Variants in LAMA5 observed in about 807,000 individuals in gnomAD.
LAMA5 encodes the protein laminin subunit alpha 5, also known as laminin subunit alpha-5.
A neutral mutation model predicts 433.4 loss-of-function variants in LAMA5; 260 were observed. The ratio of observed to expected loss-of-function variants is 0.60; its 90% CI spans 0.54 to 0.66. LAMA5 has a LOEUF of 0.66. Ranked by LOEUF, LAMA5 falls within the 30% of genes least tolerant of loss-of-function variation. The pLI, the probability that LAMA5 is intolerant of heterozygous loss-of-function variation, is 0.00. For synonymous variants in LAMA5, 2,620 were observed against 2,226.6 expected (o/e 1.18, Z -4.97); for missense variants, 5,378 against 5,258.5 (o/e 1.02, Z -0.70).
chr20:62,311,586 C>T lies in LAMA5; in HGVS notation c.9806+28G>A, dbSNP rs367940086. 5.0e-6 allele frequency: 8 copies of T among 1,608,896 alleles called. No individual in the cohort carries two copies. In the African/African-American group the frequency reaches 1.1e-4, roughly 21 times the overall value. On this transcript the variant is annotated intron_variant, in intron 71 of 79. Coordinates refer to ENST00000252999, the MANE Select transcript of LAMA5 (RefSeq NM_005560.6). ...GCAGCTGCGGAAGGCCAGCTGGGAC[C>T]TTGTCCCCCAGCGCCCACCAGGCTC...
intron 31 of LAMA5, 110 bp downstream of exon 31, chr20:62,330,378 G>C (rs1339574509): frequency 7.3e-7 from 1 of 1,374,674 alleles, no homozygotes; most frequent in Non-Finnish European, 9.6e-7. Flanking sequence ...TGGCAGGACA[G>C]AGTCATGTTG....
Position 62,327,647 on chromosome 20 carries a change from C to G in LAMA5, c.4820G>C (p.Cys1607Ser). 6.2e-7 allele frequency: 1 copy of G among 1,613,142 alleles called. No individual in the cohort carries two copies. Among genetic ancestry groups the G allele is most frequent in the Non-Finnish European group, 8.5e-7 (1 of 1,179,974 alleles). ...GAAGGTCCCAAGGCTGCACTGGTCACATTTGGGGCCCTGCACGTTCTCCTA... is the reference window on the plus strand; with the variant it reads ...GAAGGTCCCAAGGCTGCACTGGTCAGATTTGGGGCCCTGCACGTTCTCCTA... ...YCKENVQGPK[C>S]DQCSLGTFSL... Residue 1607 changes from cysteine (C) to serine (S), a missense_variant, in exon 37 of 80, where the codon TGT becomes TCT. Transcript: ENST00000252999.
chr20:62,336,856 C>A, intron 16 of LAMA5, 70 bp from the exon 17 acceptor site: 1 of 1,492,372 alleles, frequency 6.7e-7, no homozygotes, highest in Non-Finnish European at 9.2e-7. Context: ...TGTCCCAGGC[C>A]CAGCCAGAAC....
intron 6 of LAMA5, 70 bp from the exon 7 acceptor site, chr20:62,347,098 T>G: frequency 6.0e-6 from 7 of 1,163,072 alleles, no homozygotes; most frequent in Non-Finnish European, 8.8e-6. Flanking sequence ...GTCCCTTCCC[T>G]GAAGGGGCCT....
chr20:62,363,321 G>A (rs757120196), intron 1 of LAMA5, among the ~76,000 whole-genome samples: 2 of 152,206 alleles, frequency 1.3e-5, no homozygotes, highest in East Asian at 1.9e-4. Flanking sequence ...CACAGTAACT[G>A]CTGAGCCTCA....
chr20:62,315,121 C>CCTGCAGCTGGGA lies in LAMA5; in HGVS notation c.7942_7953dup (p.Ser2648_Gln2651dup). ...CACCGCTCCACATTCTCCTGCATGG[C>CCTGCAGCTGGGA]CTGCAGCTGGGACTGCACACGGGTG... is the stretch of plus-strand genomic sequence containing the variant. On this transcript the variant is annotated inframe_insertion, in exon 59 of 80. Transcript: ENST00000252999. The CCTGCAGCTGGGA allele has an allele frequency of 6.2e-7, 1 of 1,609,316 alleles. No homozygotes were observed. The highest frequency in any genetic ancestry group is 1.1e-5 in the South Asian group (1 of 91,048).
intron 2 of LAMA5, 84 bp from the exon 3 acceptor site, chr20:62,353,335 G>T: frequency 1.0e-6 from 1 of 1,001,204 alleles, no homozygotes; most frequent in Non-Finnish European, 1.5e-6. Flanking sequence ...CTGCCCCTCA[G>T]GTGAGGCCAC....
chr20:62,341,915 C>T (rs1453497872), intron 11 of LAMA5, among the ~76,000 whole-genome samples: 2 of 150,782 alleles, frequency 1.3e-5, no homozygotes, highest in Non-Finnish European at 2.9e-5. Context: ...AACTTTATAA[C>T]AGGCCACTGT....
chr20:62,341,039 A>AAAATAAATAAAT (rs71303318), intron 11 of LAMA5, among the ~76,000 whole-genome samples: 14 of 147,086 alleles, frequency 9.5e-5, no homozygotes, highest in East Asian at 2.0e-4. Flanking sequence ...ACTCTGTGTC[A>AAAATAAATAAAT]AAATAAATAA....
intron 79 of LAMA5, 78 bp downstream of exon 79, chr20:62,309,638 G>GGGGAGGGGGCAGGGGGAGGA (rs1985955300): frequency 1.6e-6 from 1 of 623,302 alleles, no homozygotes. Flanking sequence ...GGGTGGAGGG[G>GGGGAGGGGGCAGGGGGAGGA]TGGGGGGAGG....
rs1987598614 is a variant in LAMA5 at position 62,320,670 on chromosome 20, C to T, written c.6649-1G>A. 6.2e-7 allele frequency: 1 copy of T among 1,610,460 alleles called. No individual in the cohort carries two copies. The highest frequency in any genetic ancestry group is 8.5e-7 in the Non-Finnish European group (1 of 1,179,022). Reference sequence around the variant, plus strand: ...GGCCCAGGGGGCTCCGGAGCTGGCTCTGTGGGAGGCGAAAGGTGAAGGCCT... The same window carrying T: ...GGCCCAGGGGGCTCCGGAGCTGGCTTTGTGGGAGGCGAAAGGTGAAGGCCT... On this transcript the variant is annotated splice_acceptor_variant, in intron 49 of 79. Coordinates refer to ENST00000252999, the MANE Select transcript of LAMA5 (RefSeq NM_005560.6). LOFTEE classifies it high-confidence loss of function.
Position 62,323,456 on chromosome 20 carries a change from G to C in LAMA5, c.6064C>G (p.Arg2022Gly). 1 of 1,538,248 alleles carries C rather than the reference G, an allele frequency of 6.5e-7. No homozygotes were observed. Among genetic ancestry groups the C allele is most frequent in the Non-Finnish European group, 8.7e-7 (1 of 1,143,576 alleles). ...GCATCCCTCCCAGCCCGACGCCTAC[G>C]GGTGCAGTTGCCGGGCAGCAGGGCG... is the stretch of plus-strand genomic sequence containing the variant. ...GNALLPGNCT[R>G]CDCTPCGTEA... Residue 2022 changes from arginine (R) to glycine (G), a missense_variant and splice_region_variant, in exon 45 of 80, where the codon CGG (arginine) becomes GGG (glycine). Coordinates refer to ENST00000252999, the MANE Select transcript of LAMA5 (RefSeq NM_005560.6).
chr20:62,309,343 G>T lies in LAMA5; in HGVS notation c.11081C>A (p.Ala3694Asp). ...HGAVGASGCP[A>D]A Reference sequence around the variant, plus strand: ...GCCGGGGTTGGCTGTGTCCTAGGCGGCTGGGCAGCCACTGGCCCCCACTGC... The same window carrying T: ...GCCGGGGTTGGCTGTGTCCTAGGCGTCTGGGCAGCCACTGGCCCCCACTGC... Residue 3694 changes from alanine (A) to aspartate (D), a missense_variant, in exon 80 of 80, where the codon GCC becomes GAC. By Grantham distance (126) the Ala-to-Asp change is moderately radical. Transcript: ENST00000252999. 1 of 1,591,070 alleles carries T rather than the reference G, an allele frequency of 6.3e-7. No homozygotes were observed.
intron 19 of LAMA5, 43 bp from the exon 20 acceptor site, chr20:62,335,169 C>A: frequency 6.2e-7 from 1 of 1,612,474 alleles, no homozygotes; most frequent in Non-Finnish European, 8.5e-7. Context: ...GGGGAGGGTC[C>A]TGACCAGTGT....
chr20:62,330,241 G>T (rs148505235), intron 31 of LAMA5, among the ~76,000 whole-genome samples: 1 of 152,248 alleles, frequency 6.6e-6, no homozygotes, highest in African/African-American at 2.4e-5. Context: ...CCCTCAATTC[G>T]CCACGTGCCA....
intron 40 of LAMA5, 30 bp downstream of exon 40, chr20:62,326,647 G>A (rs1017998840): frequency 1.3e-6 from 2 of 1,584,838 alleles, no homozygotes; most frequent in Non-Finnish European, 1.7e-6. Context: ...GTCCATGAGG[G>A]ACCTGGGTGC....
At chr20:62,365,152 C>T (rs1249033957) in intron 1 of LAMA5, among the ~76,000 whole-genome samples, 4 of 152,248 alleles carry the variant, frequency 2.6e-5, no homozygotes, top group Admixed American at 6.5e-5. Context: ...ACTTTGGAAG[C>T]GAAGGGTTCA....
intron 28 of LAMA5, among the ~76,000 whole-genome samples, chr20:62,331,930 T>C (rs190720879): frequency 1.1e-4 from 16 of 152,126 alleles, no homozygotes; most frequent in Non-Finnish European, 2.1e-4. Flanking sequence ...TGAGTGCCTA[T>C]AGTCTCAGGT....
chr20:62,352,412 T>C (rs766595554), intron 3 of LAMA5, 52 bp from the exon 4 acceptor site: 1 of 1,445,634 alleles, frequency 6.9e-7, no homozygotes, highest in Non-Finnish European at 9.5e-7. Context: ...AAAGCCTGGG[T>C]CCCCGCGGTG....
Sources: gnomAD v4.1 joint callset for allele counts (sites outside exome capture counted in the v4.1 genomes callset) on GRCh38, gnomAD v4.1.1 for gene constraint, MANE v1.5 for transcripts, NCBI Gene and HGNC (gene_info 2026-07-23, HGNC 2026-07-21) for gene names.